Variants in SOD2 observed in about 807,000 individuals in gnomAD.
SOD2 encodes the protein superoxide dismutase [Mn], mitochondrial.
A neutral mutation model predicts 27.0 loss-of-function variants in SOD2; 11 were observed. The observed-to-expected ratio is 0.41, with a 90% CI of 0.26 to 0.67. The LOEUF (loss-of-function observed/expected upper bound fraction) is 0.67. SOD2 is among the 30% of genes least tolerant of loss of function. The probability of loss-of-function intolerance (pLI) is 0.34; values close to 1 mark genes in which losing one functional copy is unlikely to be tolerated. For synonymous variants in SOD2, 105 were observed against 103.0 expected, an observed-to-expected ratio of 1.02 and a Z score of -0.12; for missense variants, 250 against 274.5, an observed-to-expected ratio of 0.91 and a Z score of 0.63.
At chr6:159,762,206 G>A (rs1404273759) in exon 1 of SOD2, 18 of 1,549,594 alleles carry the variant, frequency 1.2e-5, no homozygotes, top group Non-Finnish European at 1.5e-5. Flanking sequence ...GAGCGCCGAG[G>A]GCCGGACTTG....
chr6:159,722,888 A>G (rs538999850), intron 1 of SOD2, among the ~76,000 whole-genome samples: 1 of 152,328 alleles, frequency 6.6e-6, no homozygotes, highest in Non-Finnish European at 1.5e-5. Flanking sequence ...AATCAGCTCA[A>G]AATGGCCAGG....
chr6:159,739,779 A>C (rs1366220585), intron 1 of SOD2, among the ~76,000 whole-genome samples: 1 of 144,150 alleles, frequency 6.9e-6, no homozygotes, highest in East Asian at 2.2e-4. Context: ...ACAATTTCCT[A>C]CTTTCACCTT....
Position 159,673,345 on chromosome 6 carries a change from G to C in SOD2, c.*9148C>G, listed in dbSNP as rs1779709160. ...CTATTCCAAAATTGACCACATAGTT[G>C]GAAGTAAAGCACTCCTCAGCAAATG... On this transcript the variant is annotated 3_prime_UTR_variant, in exon 5 of 5. Transcript: ENST00000538183. The C allele has an allele frequency of 6.6e-6, 1 of 152,086 alleles. No homozygotes were observed. The highest frequency in any genetic ancestry group is 2.1e-4 in the South Asian group (1 of 4,830). The allele number at this position is 152,086 out of a possible 1,614,324, so 9.4% of individuals were successfully genotyped here. A position where few individuals can be genotyped will look rare whatever the true frequency, so the allele number is the denominator to read the frequency against.
upstream of SOD2, among the ~76,000 whole-genome samples, chr6:159,697,877 C>T (rs111928890): frequency 1.7e-4 from 26 of 152,318 alleles, no homozygotes; most frequent in African/African-American, 6.0e-4. Flanking sequence ...CCATGGCTCA[C>T]GCCTGTAATC....
rs1359115982 is a variant in SOD2 at position 159,676,506 on chromosome 6, C to T, written c.*5987G>A. 1 of 152,012 alleles carries T rather than the reference C, an allele frequency of 6.6e-6. No homozygotes were observed. Among genetic ancestry groups the T allele is most frequent in the Non-Finnish European group, 1.5e-5 (1 of 68,010 alleles). 9.4% of individuals were successfully genotyped at this position (152,012 alleles called of 1,614,324 possible). ...GCAAACTATTCCAAGGACAAAAAAA[C>T]AAACACCGCATGTTCTCACTCATAG... On this transcript the variant is annotated 3_prime_UTR_variant, in exon 5 of 5. Transcript: ENST00000538183.
chr6:159,722,865 T>C (rs1421084799), intron 1 of SOD2, among the ~76,000 whole-genome samples: 1 of 152,206 alleles, frequency 6.6e-6, no homozygotes, highest in East Asian at 1.9e-4. Flanking sequence ...AGCTAAATAA[T>C]AACTTCTATG....
intron 1 of SOD2, among the ~76,000 whole-genome samples, chr6:159,705,971 T>G (rs1777618661): frequency 6.6e-6 from 1 of 152,176 alleles, no homozygotes; most frequent in African/African-American, 2.4e-5. Context: ...TTCAACGTTT[T>G]TAAAGAAAAG....
At chr6:159,732,844 GCTT>G (rs1211860402) in intron 1 of SOD2, among the ~76,000 whole-genome samples, 1 of 137,498 alleles carries the variant, frequency 7.3e-6, no homozygotes, top group African/African-American at 3.0e-5. Flanking sequence ...GTCTCTGTCT[GCTT>G]CTTTCTCTCT....
chr6:159,709,958 TC>T (rs1193538418), intron 1 of SOD2, among the ~76,000 whole-genome samples: 1 of 151,932 alleles, frequency 6.6e-6, no homozygotes, highest in Non-Finnish European at 1.5e-5. Flanking sequence ...TGAGTTCATG[TC>T]CTTTGTAGGG....
rs375729009 is a variant in SOD2 at position 159,680,208 on chromosome 6, T to C, written c.*2285A>G. The C allele has an allele frequency of 6.6e-6, 1 of 152,200 alleles. No homozygotes were observed. Among genetic ancestry groups the C allele is most frequent in the South Asian group, 2.1e-4 (1 of 4,830 alleles). 9.4% of individuals were successfully genotyped at this position (152,200 alleles called of 1,614,324 possible). ...CTTGTTAGTTCAATACAAACCATGATCTAGCAGACAACTTATATTCAAAAG... is the reference window on the plus strand; with the variant it reads ...CTTGTTAGTTCAATACAAACCATGACCTAGCAGACAACTTATATTCAAAAG... On this transcript the variant is annotated 3_prime_UTR_variant, in exon 5 of 5. Transcript: ENST00000538183.
intron 1 of SOD2, among the ~76,000 whole-genome samples, chr6:159,739,269 G>A (rs1029390828): frequency 6.6e-6 from 1 of 152,086 alleles, no homozygotes; most frequent in Non-Finnish European, 1.5e-5. Flanking sequence ...CAAATATATG[G>A]CTTGTTTTGT....
At chr6:159,739,007 A>C in intron 1 of SOD2, 1 of 1,612,440 alleles carries the variant, frequency 6.2e-7, no homozygotes, top group Non-Finnish European at 8.5e-7. Context: ...TGAGTGAAAC[A>C]GACTTCAAAG....
chr6:159,746,003 G>A (rs780629007), upstream of SOD2, among the ~76,000 whole-genome samples: 2 of 152,132 alleles, frequency 1.3e-5, no homozygotes, highest in African/African-American at 2.4e-5. Flanking sequence ...ATCCTACAAA[G>A]ATCAAATTTT....
intron 2 of SOD2, among the ~76,000 whole-genome samples, chr6:159,689,559 C>A (rs1281061384): frequency 6.6e-6 from 1 of 152,116 alleles, no homozygotes; most frequent in Non-Finnish European, 1.5e-5. Context: ...CACAAGATAC[C>A]AAGAGAAGCA....
intron 1 of SOD2, among the ~76,000 whole-genome samples, chr6:159,759,310 C>G (rs190928513): frequency 6.7e-6 from 1 of 149,520 alleles, no homozygotes; most frequent in South Asian, 2.1e-4. Context: ...CTGCCCGCCT[C>G]GGCCTCCCAA....
At position 159,671,803 on chromosome 6, in the gene SOD2, GA is replaced by G. The variant is rs757731898; in HGVS notation, c.*10689del. 1.3e-5 allele frequency: 2 copies of G among 152,142 alleles called. No individual in the cohort carries two copies. Among genetic ancestry groups the G allele is most frequent in the Non-Finnish European group, 2.9e-5 (2 of 68,018 alleles). The allele number at this position is 152,142 out of a possible 1,614,324, so 9.4% of individuals were successfully genotyped here. On this transcript the variant is annotated 3_prime_UTR_variant, in exon 5 of 5. Coordinates refer to ENST00000538183, the MANE Select transcript of SOD2 (RefSeq NM_000636.4). ...ATGATCAAACTTCTCCAAGCTAAAA[GA>G]GGAAGTTCGAACCCATCACAAAGAA... is the stretch of plus-strand genomic sequence containing the variant.
At position 159,679,938 on chromosome 6, in the gene SOD2, T is replaced by C. The variant is rs1312914047; in HGVS notation, c.*2555A>G. 1.3e-5 allele frequency: 2 copies of C among 152,186 alleles called. No individual in the cohort carries two copies. Among genetic ancestry groups the C allele is most frequent in the African/African-American group, 4.8e-5 (2 of 41,432 alleles). The allele number at this position is 152,186 out of a possible 1,614,324, so 9.4% of individuals were successfully genotyped here. On this transcript the variant is annotated 3_prime_UTR_variant, in exon 5 of 5. Coordinates refer to ENST00000538183, the MANE Select transcript of SOD2 (RefSeq NM_000636.4). ...CACCCCGCCCAGCCCTAAACAATCT[T>C]AAAGTCTCCTTTTCCACCAGATGAC...
In SOD2 at chr6:159,720,907, A is replaced by T. The variant is rs549861373; in HGVS notation, c.-116+6222T>A. Among the ~76,000 whole-genome samples the T allele has an allele frequency of 9.0e-5, 10 of 111,484 alleles. 1 individual carries two copies. The South Asian group carries it at 3.1e-3, about 34-fold the overall frequency. 73.1% of individuals were successfully genotyped at this position (111,484 alleles called of 152,430 possible). On this transcript the variant is annotated intron_variant, in intron 1 of 2. Transcript: ENST00000401980. ...TGTCTTGTTGTGTCGCCCAGGCTGTAGTGCAATGGCGCGATCTCGGCTCAG... is the reference window on the plus strand; with the variant it reads ...TGTCTTGTTGTGTCGCCCAGGCTGTTGTGCAATGGCGCGATCTCGGCTCAG...
At chr6:159,707,094 G>C (rs983386803) in intron 1 of SOD2, among the ~76,000 whole-genome samples, 14 of 152,030 alleles carry the variant, frequency 9.2e-5, no homozygotes, top group Non-Finnish European at 1.3e-4. Context: ...CAACATACCA[G>C]AATCTCTGGG....
Sources: allele counts gnomAD v4.1 joint callset (sites outside exome capture counted in the v4.1 genomes callset), GRCh38; gene constraint gnomAD v4.1.1; transcripts MANE v1.5; gene names NCBI Gene and HGNC (gene_info 2026-07-23, HGNC 2026-07-21).